The following ELMOD3 variants were observed in gnomAD, a reference collection of about 807,000 sequenced individuals.
ELMOD3 encodes the protein ELMO domain-containing protein 3.
ELMOD3 carries 36 observed loss-of-function variants against 47.4 expected under a neutral mutation model. The ratio of observed to expected loss-of-function variants is 0.76; its 90% CI spans 0.58 to 1.00. The LOEUF (loss-of-function observed/expected upper bound fraction) is 1.00. Ranked by LOEUF, ELMOD3 falls within the 50% of genes least tolerant of loss-of-function variation. The probability of loss-of-function intolerance (pLI) is 0.00; values close to 1 mark genes in which losing one functional copy is unlikely to be tolerated. For missense variants in ELMOD3, 404 were observed against 463.8 expected (o/e 0.87, Z 1.18); for synonymous variants, 149 against 183.5 (o/e 0.81, Z 1.52).
intron 11 of ELMOD3, among the ~76,000 whole-genome samples, chr2:85,387,506 A>G (rs1686011514): frequency 6.6e-6 from 1 of 151,882 alleles, no homozygotes; most frequent in South Asian, 2.1e-4. Flanking sequence ...TACTCAAAAT[A>G]CAAAAATTAG....
chr2:85,381,880 G>C (rs1685561778), intron 11 of ELMOD3, among the ~76,000 whole-genome samples: 2 of 152,224 alleles, frequency 1.3e-5, no homozygotes, highest in South Asian at 4.1e-4. Context: ...CACTTTGGGA[G>C]GCCGAGGCAG....
At chr2:85,371,008 T>C in intron 8 of ELMOD3, 78 bp from the exon 9 acceptor site, 1 of 1,533,464 alleles carries the variant, frequency 6.5e-7, no homozygotes, top group Non-Finnish European at 8.9e-7. Context: ...AAGCACTGCC[T>C]CTGGTCTGAG....
intron 6 of ELMOD3, among the ~76,000 whole-genome samples, chr2:85,363,684 G>A (rs1045266070): frequency 6.6e-6 from 1 of 152,196 alleles, no homozygotes; most frequent in African/African-American, 2.4e-5. Context: ...CCACATACCT[G>A]GGTAGGCCTC....
chr2:85,391,706 G>C lies in ELMOD3; in HGVS notation c.*744G>C, dbSNP rs1414611583. The C allele has an allele frequency of 6.5e-6, 1 of 152,682 alleles. No individual in the cohort carries two copies. Among genetic ancestry groups the C allele is most frequent in the Non-Finnish European group, 1.5e-5 (1 of 68,084 alleles). 9.5% of individuals were successfully genotyped at this position (152,682 alleles called of 1,614,324 possible). A position where few individuals can be genotyped will look rare whatever the true frequency, so the allele number is the denominator to read the frequency against. ...GTTTCTGGCCTAATTGAGGGAAGGA[G>C]GAAATTCATACCAGCAGTTTTCAAA... On this transcript the variant is annotated 3_prime_UTR_variant, in exon 14 of 14. Transcript: ENST00000409013.
intron 10 of ELMOD3, among the ~76,000 whole-genome samples, chr2:85,373,320 G>T (rs564975215): frequency 6.6e-6 from 1 of 152,242 alleles, no homozygotes; most frequent in African/African-American, 2.4e-5. Flanking sequence ...TGTTGGTATG[G>T]CAACATGGTT....
intron 11 of ELMOD3, among the ~76,000 whole-genome samples, chr2:85,382,577 G>A (rs948976124): frequency 4.0e-5 from 6 of 150,378 alleles, no homozygotes; most frequent in East Asian, 2.0e-4. Context: ...GTGCAGTGGC[G>A]CAATCTTGGC....
At chr2:85,369,409 C>T (rs1684625375) in intron 7 of ELMOD3, among the ~76,000 whole-genome samples, 1 of 152,220 alleles carries the variant, frequency 6.6e-6, no homozygotes, top group Non-Finnish European at 1.5e-5. Flanking sequence ...CTTAAACAAA[C>T]TGGTTGCATG....
At chr2:85,357,282 G>A (rs1052666433) in intron 4 of ELMOD3, 30 bp downstream of exon 4, 1 of 1,496,156 alleles carries the variant, frequency 6.7e-7, no homozygotes, top group Non-Finnish European at 9.2e-7. Flanking sequence ...TGGGAAAGGT[G>A]GTGTTGGTTT....
At chr2:85,366,124 A>ATTTT (rs566714087) in intron 6 of ELMOD3, among the ~76,000 whole-genome samples, 1 of 135,610 alleles carries the variant, frequency 7.4e-6, no homozygotes. Flanking sequence ...TACCCAGCTA[A>ATTTT]TTTTTTTTTT....
At chr2:85,389,011 AAG>A (rs1406684396) in intron 11 of ELMOD3, among the ~76,000 whole-genome samples, 1 of 152,220 alleles carries the variant, frequency 6.6e-6, no homozygotes, top group Admixed American at 6.5e-5. Flanking sequence ...CCCTGAAAAA[AAG>A]GCCCTTTCCA....
intron 4 of ELMOD3, 95 bp from the exon 5 acceptor site, chr2:85,362,091 C>T: frequency 1.2e-6 from 1 of 826,308 alleles, no homozygotes; most frequent in Non-Finnish European, 2.0e-6. Flanking sequence ...TACCCCTGAA[C>T]TTAAAAGTTA....
At position 85,362,214 on chromosome 2, in the gene ELMOD3, C is replaced by G; in HGVS notation, c.83C>G (p.Pro28Arg). Residue 28 changes from proline (P) to arginine (R), a missense_variant, in exon 5 of 14, where the codon CCA (proline) becomes CGA (arginine). By Grantham distance (103) the Pro-to-Arg change is moderately radical. Coordinates refer to ENST00000409013, the MANE Select transcript of ELMOD3 (RefSeq NM_001135022.2). The part of the protein sequence containing the change: ...QGERLSAGYS[P>R]SYDKDKSVLA... Reference sequence around the variant, plus strand: ...GAAAGATTGTCTGCTGGATATTCTCCATCATATGACAAGGACAAGAGTGTT... The same window carrying G: ...GAAAGATTGTCTGCTGGATATTCTCGATCATATGACAAGGACAAGAGTGTT... 1 of 1,606,246 alleles carries G rather than the reference C, an allele frequency of 6.2e-7. No individual in the cohort carries two copies. The highest frequency in any genetic ancestry group is 8.5e-7 in the Non-Finnish European group (1 of 1,172,946).
chr2:85,385,961 A>G (rs1175986066), intron 11 of ELMOD3, among the ~76,000 whole-genome samples: 2 of 152,154 alleles, frequency 1.3e-5, no homozygotes, highest in African/African-American at 4.8e-5. Context: ...CTGGGCCTAG[A>G]GCCCCTGTTT....
intron 10 of ELMOD3, 59 bp downstream of exon 10, chr2:85,371,621 A>T (rs1217551597): frequency 6.2e-7 from 1 of 1,606,506 alleles, no homozygotes; most frequent in East Asian, 2.2e-5. Flanking sequence ...GACTAGAGTG[A>T]GAGGCCAGGT....
chr2:85,361,940 AAAG>A (rs990501941), intron 4 of ELMOD3, among the ~76,000 whole-genome samples: 2 of 151,974 alleles, frequency 1.3e-5, no homozygotes, highest in African/African-American at 4.8e-5. Context: ...CAAAAAAAAA[AAAG>A]AAAAAGTGGA....
chr2:85,368,612 CA>C, intron 6 of ELMOD3, 73 bp from the exon 7 acceptor site: 1 of 1,495,934 alleles, frequency 6.7e-7, no homozygotes, highest in East Asian at 2.3e-5. Context: ...GGCAGGCAGA[CA>C]AGGCTGGGGT....
chr2:85,378,690 TC>T (rs1437803982), intron 11 of ELMOD3, among the ~76,000 whole-genome samples: 1 of 152,244 alleles, frequency 6.6e-6, no homozygotes, highest in Non-Finnish European at 1.5e-5. Flanking sequence ...CCTAAGCAGT[TC>T]CTGGCTTGAC....
intron 6 of ELMOD3, chr2:85,368,194 G>A (rs764043148): frequency 6.3e-6 from 1 of 157,764 alleles, no homozygotes; most frequent in Non-Finnish European, 1.4e-5. Flanking sequence ...ACAAGCATGA[G>A]CCACTGCGCC....
chr2:85,371,062 C>T (rs1262296137), intron 8 of ELMOD3, 24 bp from the exon 9 acceptor site: 1 of 1,611,592 alleles, frequency 6.2e-7, no homozygotes. Context: ...GCATTCTGCC[C>T]ATTGCCTGCA....
Sources: gnomAD v4.1 joint callset for allele counts (sites outside exome capture counted in the v4.1 genomes callset) on GRCh38, gnomAD v4.1.1 for gene constraint, MANE v1.5 for transcripts, NCBI Gene and HGNC (gene_info 2026-07-23, HGNC 2026-07-21) for gene names.